CYTH3: variants seen among roughly 807,000 people sequenced by gnomAD.
CYTH3 encodes the protein cytohesin-3.
CYTH3 carries 23 observed loss-of-function variants against 55.1 expected under a neutral mutation model. The ratio of observed to expected loss-of-function variants is 0.42; its 90% CI spans 0.30 to 0.59. The LOEUF is 0.59. CYTH3 is among the 20% of genes least tolerant of loss of function. The pLI is 0.20. For synonymous variants in CYTH3, 249 were observed against 194.9 expected (o/e 1.28, Z -2.31); for missense variants, 413 against 524.8 (o/e 0.79, Z 2.08).
intron 1 of CYTH3, among the ~76,000 whole-genome samples, chr7:6,219,962 C>CA (rs1275042338): frequency 1.3e-5 from 2 of 152,112 alleles, no homozygotes; most frequent in Non-Finnish European, 2.9e-5. Flanking sequence ...GATAGACACA[C>CA]AGATGAATGG....
intron 1 of CYTH3, among the ~76,000 whole-genome samples, chr7:6,217,457 G>A (rs1356463428): frequency 6.6e-6 from 1 of 152,094 alleles, no homozygotes; most frequent in Non-Finnish European, 1.5e-5. Context: ...GTAAACTTCA[G>A]AGCAAAGAAA....
chr7:6,170,258 G>A lies in CYTH3; in HGVS notation c.823+277C>T, dbSNP rs1387383747. ...GCGCTTGCTTCTCGTGCAGGAAGCT[G>A]CCCTGGCTGGATCTGGATGCTAACT... On this transcript the variant is annotated intron_variant, in intron 9 of 12. Coordinates refer to ENST00000350796, the MANE Select transcript of CYTH3 (RefSeq NM_004227.4). This position sits in a 1 kb window ranked among gnomAD's most constrained non-coding sequence, Gnocchi z 7.8. 2 of 459,374 alleles carry A rather than the reference G, an allele frequency of 4.4e-6. No individual in the cohort carries two copies. Among genetic ancestry groups the A allele is most frequent in the African/African-American group, 2.0e-5 (1 of 50,482 alleles). 28.5% of individuals were successfully genotyped at this position (459,374 alleles called of 1,614,324 possible). A position where few individuals can be genotyped will look rare whatever the true frequency, so the allele number is the denominator to read the frequency against.
intron 1 of CYTH3, among the ~76,000 whole-genome samples, chr7:6,229,936 A>G (rs1031992753): frequency 3.3e-5 from 5 of 152,088 alleles, no homozygotes; most frequent in Admixed American, 6.6e-5. Flanking sequence ...GGAGTTCGAG[A>G]CCAGCCTAGC....
chr7:6,217,667 G>A (rs1194977097), intron 1 of CYTH3, among the ~76,000 whole-genome samples: 1 of 152,108 alleles, frequency 6.6e-6, no homozygotes, highest in Non-Finnish European at 1.5e-5. Flanking sequence ...GTATAGAGAA[G>A]AACTCACCAC....
chr7:6,194,880 C>T (rs968731863), intron 1 of CYTH3, among the ~76,000 whole-genome samples: 48 of 152,146 alleles, frequency 3.2e-4, no homozygotes, highest in African/African-American at 1.1e-3. Context: ...GAGGCTGAGG[C>T]GGGAGAATCA....
chr7:6,189,052 A>C (rs775503638), intron 2 of CYTH3, among the ~76,000 whole-genome samples: 14 of 152,204 alleles, frequency 9.2e-5, no homozygotes, highest in Non-Finnish European at 2.1e-4. Flanking sequence ...AGCCACATTT[A>C]TTTTGGCAAT....
chr7:6,183,389 T>C (rs1275941294), intron 4 of CYTH3, among the ~76,000 whole-genome samples: 1 of 152,264 alleles, frequency 6.6e-6, no homozygotes, highest in African/African-American at 2.4e-5. Context: ...TATAGATTTA[T>C]ATATTTTATT....
At chr7:6,187,553 C>T in intron 3 of CYTH3, 104 bp downstream of exon 3, 1 of 1,017,634 alleles carries the variant, frequency 9.8e-7, no homozygotes, top group Non-Finnish European at 1.6e-6. Context: ...CCACAGGCTC[C>T]CCACATCCCA....
At chr7:6,226,993 C>A (rs938199720) in intron 1 of CYTH3, among the ~76,000 whole-genome samples, 1 of 150,930 alleles carries the variant, frequency 6.6e-6, no homozygotes, top group South Asian at 2.1e-4. Context: ...GGCAGAAGAA[C>A]GGTGTGAACC....
chr7:6,251,917 G>A (rs766713195), intron 1 of CYTH3, among the ~76,000 whole-genome samples: 4 of 151,952 alleles, frequency 2.6e-5, no homozygotes, highest in Non-Finnish European at 4.4e-5. Context: ...CCCCCTTAAT[G>A]TGAAAAAAGA....
At chr7:6,257,089 A>G (rs1052833217) in intron 1 of CYTH3, among the ~76,000 whole-genome samples, 1 of 152,204 alleles carries the variant, frequency 6.6e-6, no homozygotes, top group African/African-American at 2.4e-5. Flanking sequence ...TTTTAGAAGA[A>G]GACTTATCCA....
At chr7:6,270,075 T>G (rs1206882813) in intron 1 of CYTH3, among the ~76,000 whole-genome samples, 1 of 152,226 alleles carries the variant, frequency 6.6e-6, no homozygotes, top group Non-Finnish European at 1.5e-5. Flanking sequence ...GAGCTCAACT[T>G]TATTTTTTTA....
intron 1 of CYTH3, among the ~76,000 whole-genome samples, chr7:6,233,793 A>C (rs1167598245): frequency 2.6e-5 from 4 of 152,186 alleles, no homozygotes; most frequent in Non-Finnish European, 5.9e-5. Context: ...AAAATGCGAA[A>C]GACTGGGTGG....
intron 1 of CYTH3, among the ~76,000 whole-genome samples, chr7:6,228,875 A>G (rs1167540742): frequency 6.6e-6 from 1 of 152,170 alleles, no homozygotes; most frequent in Non-Finnish European, 1.5e-5. Context: ...TAATTTTGTT[A>G]GACATTTTTA....
At chr7:6,224,174 T>A (rs899537919) in intron 1 of CYTH3, among the ~76,000 whole-genome samples, 1 of 152,186 alleles carries the variant, frequency 6.6e-6, no homozygotes, top group Non-Finnish European at 1.5e-5. Flanking sequence ...TCCACCACCA[T>A]GCCTGGTTAA....
At chr7:6,261,212 A>G (rs1202702727) in intron 1 of CYTH3, among the ~76,000 whole-genome samples, 1 of 152,090 alleles carries the variant, frequency 6.6e-6, no homozygotes, top group Non-Finnish European at 1.5e-5. Context: ...CTGGGAAGCC[A>G]AAATACCAAA....
At chr7:6,255,768 T>C (rs979977454) in intron 1 of CYTH3, among the ~76,000 whole-genome samples, 4 of 144,452 alleles carry the variant, frequency 2.8e-5, no homozygotes, top group African/African-American at 1.0e-4. Flanking sequence ...GTTTTTTTTT[T>C]TTTTTTTTTT....
chr7:6,255,635 G>C (rs776625836), intron 1 of CYTH3, among the ~76,000 whole-genome samples: 3 of 151,980 alleles, frequency 2.0e-5, no homozygotes, highest in Non-Finnish European at 4.4e-5. Context: ...GGAGGGATAT[G>C]TTGGGGACAT....
At chr7:6,248,237 C>A (rs181685263) in intron 1 of CYTH3, among the ~76,000 whole-genome samples, 82 of 149,916 alleles carry the variant, frequency 5.5e-4, no homozygotes, top group Middle Eastern at 6.8e-3. Context: ...TCCCCCAACC[C>A]CCCCCCAGCC....
Sources: gnomAD v4.1 joint callset for allele counts (sites outside exome capture counted in the v4.1 genomes callset) on GRCh38, gnomAD v4.1.1 for gene constraint, Gnocchi (gnomAD v3.1) non-coding constraint, MANE v1.5 for transcripts, NCBI Gene and HGNC (gene_info 2026-07-23, HGNC 2026-07-21) for gene names.